The following PTPRD variants were observed in gnomAD, a reference collection of about 807,000 sequenced individuals.
PTPRD encodes the protein protein tyrosine phosphatase receptor type D.
In PTPRD, 34 loss-of-function variants were observed where a neutral mutation model predicts 214.5. The observed-to-expected ratio is 0.16, with a 90% CI of 0.12 to 0.21. The LOEUF (loss-of-function observed/expected upper bound fraction) is 0.21. Ranked by LOEUF, PTPRD falls within the 10% of genes least tolerant of loss-of-function variation. The probability of loss-of-function intolerance (pLI) is 1.00; values close to 1 mark genes in which losing one functional copy is unlikely to be tolerated. For synonymous variants in PTPRD, 1,128 were observed against 845.7 expected, an observed-to-expected ratio of 1.33 and a Z score of -5.79; for missense variants, 2,545 against 2,398.7, an observed-to-expected ratio of 1.06 and a Z score of -1.27.
At chr9:9,533,871 G>C (rs1356209314) in intron 8 of PTPRD, among the ~76,000 whole-genome samples, 1 of 151,982 alleles carries the variant, frequency 6.6e-6, no homozygotes, top group African/African-American at 2.4e-5. Flanking sequence ...ACTGTATGTT[G>C]AAAAAATTTA....
chr9:10,555,324 T>C (rs56946422), intron 2 of PTPRD, among the ~76,000 whole-genome samples: 12,523 of 152,224 alleles, frequency 0.082, 600 homozygotes, highest in Middle Eastern at 0.13. Flanking sequence ...GTACAACAAA[T>C]AAAATTCGCA....
intron 2 of PTPRD, among the ~76,000 whole-genome samples, chr9:10,595,991 A>G (rs2076545512): frequency 6.6e-6 from 1 of 151,866 alleles, no homozygotes; most frequent in African/African-American, 2.4e-5. Context: ...TTAAAAAATT[A>G]TTAAAGCTAT....
intron 2 of PTPRD, among the ~76,000 whole-genome samples, chr9:10,521,341 CA>C (rs1396696730): frequency 6.6e-6 from 1 of 152,100 alleles, no homozygotes; most frequent in Non-Finnish European, 1.5e-5. Context: ...GCTGGAATGT[CA>C]CGTTAAAGAC....
intron 9 of PTPRD, among the ~76,000 whole-genome samples, chr9:9,323,563 G>A (rs1556520): frequency 0.76 from 115,139 of 152,022 alleles, 43,924 homozygotes; most frequent in East Asian, 0.92. Flanking sequence ...TATTGAATGA[G>A]TATCTGATAC....
chr9:8,574,753 C>G (rs551456335), intron 14 of PTPRD, among the ~76,000 whole-genome samples: 1 of 152,116 alleles, frequency 6.6e-6, no homozygotes, highest in East Asian at 1.9e-4. Flanking sequence ...TCCCCCTGAG[C>G]TATTAAAACT....
intron 3 of PTPRD, among the ~76,000 whole-genome samples, chr9:10,162,310 T>C (rs899480009): frequency 5.9e-5 from 9 of 151,564 alleles, no homozygotes; most frequent in Non-Finnish European, 1.0e-4. Context: ...CCTGTCAATG[T>C]ATGAATGGAT....
At chr9:10,494,241 C>T (rs2041312840) in intron 2 of PTPRD, among the ~76,000 whole-genome samples, 1 of 151,764 alleles carries the variant, frequency 6.6e-6, no homozygotes, top group Non-Finnish European at 1.5e-5. Flanking sequence ...AAATTTAATT[C>T]TTTCTTCTTT....
At chr9:9,597,160 G>C (rs188860016) in intron 7 of PTPRD, among the ~76,000 whole-genome samples, 54 of 152,068 alleles carry the variant, frequency 3.6e-4, no homozygotes, top group African/African-American at 1.2e-3. Context: ...AGCAGGCTGA[G>C]GGTGGGGGGA....
At chr9:10,065,600 G>A (rs2097863264) in intron 3 of PTPRD, among the ~76,000 whole-genome samples, 1 of 151,838 alleles carries the variant, frequency 6.6e-6, no homozygotes, top group Non-Finnish European at 1.5e-5. Flanking sequence ...GAAAGGAAAT[G>A]TTCTTTTAAA....
intron 35 of PTPRD, among the ~76,000 whole-genome samples, chr9:8,435,826 G>A (rs1011808762): frequency 5.9e-5 from 9 of 152,046 alleles, no homozygotes; most frequent in East Asian, 3.9e-4. Flanking sequence ...AGCATTCAGC[G>A]CACCATTCCT....
chr9:9,334,378 G>C (rs1168905155), intron 9 of PTPRD, among the ~76,000 whole-genome samples: 2 of 151,952 alleles, frequency 1.3e-5, no homozygotes, highest in Non-Finnish European at 2.9e-5. Flanking sequence ...CAAGCATCAG[G>C]TCAGTATTCT....
intron 8 of PTPRD, among the ~76,000 whole-genome samples, chr9:9,530,547 T>G (rs1228735327): frequency 1.3e-5 from 2 of 152,148 alleles, no homozygotes; most frequent in East Asian, 1.9e-4. Flanking sequence ...ACTGCTGAAT[T>G]GACTTAACTT....
intron 12 of PTPRD, among the ~76,000 whole-genome samples, chr9:8,661,192 C>G (rs1305262958): frequency 6.6e-6 from 1 of 152,044 alleles, no homozygotes; most frequent in African/African-American, 2.4e-5. Context: ...AAAGATCTAC[C>G]TGGCCTGAGG....
intron 35 of PTPRD, among the ~76,000 whole-genome samples, chr9:8,423,291 A>G (rs2094473259): frequency 6.6e-6 from 1 of 152,202 alleles, no homozygotes; most frequent in Non-Finnish European, 1.5e-5. Context: ...TAAAAGCTGG[A>G]GCAAAAGCAA....
chr9:10,139,580 T>C (rs294845), intron 3 of PTPRD, among the ~76,000 whole-genome samples: 110,268 of 151,928 alleles, frequency 0.73, 40,546 homozygotes, highest in Middle Eastern at 0.88. Context: ...AAAGGTATTC[T>C]TAAGCAAACA....
intron 5 of PTPRD, among the ~76,000 whole-genome samples, chr9:9,832,374 G>C (rs2055172599): frequency 6.6e-6 from 1 of 151,842 alleles, no homozygotes; most frequent in Non-Finnish European, 1.5e-5. Context: ...TATTTTTCAG[G>C]ACCAAAATAA....
intron 3 of PTPRD, among the ~76,000 whole-genome samples, chr9:10,137,701 T>TAAAAAAA (rs76032048): frequency 1.4e-5 from 1 of 72,040 alleles, no homozygotes; most frequent in Non-Finnish European, 2.5e-5. Context: ...TAGAGTATAA[T>TAAAAAAA]AAAAAAAAAA....
At chr9:9,608,228 A>C (rs1264816661) in intron 7 of PTPRD, among the ~76,000 whole-genome samples, 1 of 152,188 alleles carries the variant, frequency 6.6e-6, no homozygotes, top group African/African-American at 2.4e-5. Context: ...TTCAAGAGTC[A>C]GTTACTACTA....
intron 2 of PTPRD, among the ~76,000 whole-genome samples, chr9:10,588,374 T>C (rs1024017229): frequency 2.0e-5 from 3 of 150,974 alleles, no homozygotes; most frequent in Admixed American, 1.3e-4. Flanking sequence ...CTCTGTTCAG[T>C]AAGTATTCAA....
Sources: gnomAD v4.1 joint callset for allele counts (sites outside exome capture counted in the v4.1 genomes callset) on GRCh38, gnomAD v4.1.1 for gene constraint, MANE v1.5 for transcripts, NCBI Gene and HGNC (gene_info 2026-07-23, HGNC 2026-07-21) for gene names.